The following MINDY1 variants were observed in gnomAD, a reference collection of about 807,000 sequenced individuals.
MINDY1 encodes MINDY lysine 48 deubiquitinase 1.
MINDY1 carries 50 observed loss-of-function variants against 53.6 expected under a neutral mutation model. The observed-to-expected ratio is 0.93, with a 90% CI of 0.74 to 1.18. MINDY1 has a LOEUF of 1.18. Among genes scored for constraint, MINDY1 ranks in the 50% most tolerant of loss-of-function variants. The pLI is 0.00. For missense variants in MINDY1, 484 were observed against 578.6 expected (o/e 0.84, Z 1.68); for synonymous variants, 231 against 234.7 (o/e 0.98, Z 0.14).
chr1:151,005,911 A>G (rs1389252634), intron 1 of MINDY1, among the ~76,000 whole-genome samples: 1 of 152,212 alleles, frequency 6.6e-6, no homozygotes, highest in African/African-American at 2.4e-5. Context: ...TAGAGAGCCG[A>G]AAGTTGGAAG....
Position 151,002,029 on chromosome 1 carries a change from T to C in MINDY1, c.453+136A>G. ...TGTTTTTAGGAACATCTTATCTCAT[T>C]TGCTCAAGCTGGAGAAATAGGGAGA... On this transcript the variant is annotated intron_variant, in intron 2 of 9. Transcript: ENST00000683666. The surrounding 1 kb of genome is among the most constrained non-coding windows in gnomAD (Gnocchi z 4.1). The C allele has an allele frequency of 1.0e-6, 1 of 961,758 alleles. No homozygotes were observed. The allele number at this position is 961,758 out of a possible 1,614,324, so 59.6% of individuals were successfully genotyped here.
At chr1:151,001,011 G>A (rs587665661) in intron 4 of MINDY1, among the ~76,000 whole-genome samples, 29 of 151,980 alleles carry the variant, frequency 1.9e-4, no homozygotes, top group East Asian at 5.8e-4. Context: ...GGCTGGCCTC[G>A]AACTCCTGGC....
At chr1:151,000,749 G>A (rs895604006) in intron 4 of MINDY1, 134 bp from the exon 5 acceptor site, 3 of 933,602 alleles carry the variant, frequency 3.2e-6, no homozygotes, top group Non-Finnish European at 4.8e-6. Flanking sequence ...TTTCTCCCTT[G>A]CCTCAACCCT....
At chr1:151,001,477 G>A (rs150125634) in intron 3 of MINDY1, among the ~76,000 whole-genome samples, 163 bp from the exon 4 acceptor site, 1 of 152,214 alleles carries the variant, frequency 6.6e-6, no homozygotes, top group African/African-American at 2.4e-5. Flanking sequence ...GGAGGCGACA[G>A]CCTCATAAAG....
Position 151,006,846 on chromosome 1 carries a change from G to C in MINDY1, c.-624C>G. On this transcript the variant is annotated 5_prime_UTR_variant, in exon 1 of 10. Transcript: ENST00000683666. ...CGAGAAACAGGAGAGAAAAACAACAGACCCTTTCTCTTCCCTCTGCCTGCC... is the reference window on the plus strand; with the variant it reads ...CGAGAAACAGGAGAGAAAAACAACACACCCTTTCTCTTCCCTCTGCCTGCC... 1 of 985,482 alleles carries C rather than the reference G, an allele frequency of 1.0e-6. No individual in the cohort carries two copies. The highest frequency in any genetic ancestry group is 1.2e-6 in the Non-Finnish European group (1 of 829,978). 61.0% of individuals were successfully genotyped at this position (985,482 alleles called of 1,614,324 possible).
chr1:151,000,718 A>T, intron 4 of MINDY1, 103 bp from the exon 5 acceptor site: 6 of 1,277,920 alleles, frequency 4.7e-6, no homozygotes, highest in East Asian at 4.9e-5. Flanking sequence ...TTCTTCCCTG[A>T]TTCTCTTACA....
chr1:151,001,841 A>AC (rs1672620774), intron 2 of MINDY1, 59 bp from the exon 3 acceptor site: 1 of 1,546,490 alleles, frequency 6.5e-7, no homozygotes, highest in Admixed American at 2.4e-5. Context: ...TGAAGGAAGA[A>AC]CCCATGGAAA....
rs587686923 is a variant in MINDY1 at position 150,998,531 on chromosome 1, T to C, written c.982-258A>G. Among the ~76,000 whole-genome samples, 3 of 129,950 alleles carry C rather than the reference T, an allele frequency of 2.3e-5. No homozygotes were observed. The East Asian group carries it at 5.8e-4, about 25-fold the overall frequency. 85.3% of individuals were successfully genotyped at this position (129,950 alleles called of 152,430 possible). ...CACCATGCCTGGCTAATGTTTGGTA[T>C]TTTTTTAGTAGAGACGGGGTTTCAC... is the stretch of plus-strand genomic sequence containing the variant. On this transcript the variant is annotated intron_variant, in intron 7 of 9. Transcript: ENST00000683666.
At chr1:151,008,172 T>C, upstream of MINDY1, 2 of 934,966 alleles carry the variant, frequency 2.1e-6, no homozygotes, top group Non-Finnish European at 2.6e-6. Context: ...GTGTGATATA[T>C]GTAAAGATGT....
chr1:151,008,162 G>A (rs1673431868), upstream of MINDY1: 13 of 844,192 alleles, frequency 1.5e-5, no homozygotes, highest in South Asian at 4.2e-5. Flanking sequence ...CAGATGCTCG[G>A]TGTGATATAT....
chr1:150,998,549 G>C (rs911636822), intron 7 of MINDY1, among the ~76,000 whole-genome samples: 7 of 152,152 alleles, frequency 4.6e-5, no homozygotes, highest in Non-Finnish European at 7.4e-5. Flanking sequence ...GTAGAGACGG[G>C]GTTTCACCGT....
In MINDY1 at chr1:150,999,784, A is replaced by T; in HGVS notation, c.838+78T>A. On this transcript the variant is annotated intron_variant, in intron 6 of 9. Coordinates refer to ENST00000683666, the MANE Select transcript of MINDY1 (RefSeq NM_001376665.1). The surrounding 1 kb of genome is among the most constrained non-coding windows in gnomAD (Gnocchi z 4.4). ...TATATCTAGTGGGATGTGGTAGGAG[A>T]TGACACCCAATAAAAAATAAGCCTA... 2 of 1,292,656 alleles carry T rather than the reference A, an allele frequency of 1.5e-6. No individual in the cohort carries two copies. Among genetic ancestry groups the T allele is most frequent in the Non-Finnish European group, 2.2e-6 (2 of 903,580 alleles). The allele number at this position is 1,292,656 out of a possible 1,614,324, so 80.1% of individuals were successfully genotyped here.
chr1:151,001,790 C>T lies in MINDY1; in HGVS notation c.454-8G>A. 3.1e-6 allele frequency: 5 copies of T among 1,591,004 alleles called. No individual in the cohort carries two copies. The highest frequency in any genetic ancestry group is 4.3e-6 in the Non-Finnish European group (5 of 1,173,342). Reference sequence around the variant, plus strand: ...CTGCGGGGGGAGCTTCACCTGGAGGCAGAAGGGGTGATCACGTGTGTGCTT... The same window carrying T: ...CTGCGGGGGGAGCTTCACCTGGAGGTAGAAGGGGTGATCACGTGTGTGCTT... On this transcript the variant is annotated splice_region_variant and splice_polypyrimidine_tract_variant and intron_variant, in intron 2 of 9. Coordinates refer to ENST00000683666, the MANE Select transcript of MINDY1 (RefSeq NM_001376665.1).
In MINDY1 at chr1:151,001,729, A is replaced by G; in HGVS notation, c.507T>C (p.His169=). The change falls in exon 3 of 10, where the codon CAT becomes CAC. Residue 169 remains histidine, a synonymous_variant. Transcript: ENST00000683666. ...EVITSDELMA[H]LGNCLLSIKP... is the part of the protein sequence containing the mutation. ...CTTCAACGCCCAGTCACTCACCAAGATGGGCCATGAGCTCATCCGATGTGA... is the reference window on the plus strand; with the variant it reads ...CTTCAACGCCCAGTCACTCACCAAGGTGGGCCATGAGCTCATCCGATGTGA... The G allele has an allele frequency of 1.9e-6, 3 of 1,610,588 alleles. No individual in the cohort carries two copies. Among genetic ancestry groups the G allele is most frequent in the Non-Finnish European group, 2.5e-6 (3 of 1,179,000 alleles).
At chr1:151,005,474 G>T (rs372232167) in intron 1 of MINDY1, among the ~76,000 whole-genome samples, 1 of 135,336 alleles carries the variant, frequency 7.4e-6, no homozygotes, top group Admixed American at 7.4e-5. Context: ...AAGAAAAAAA[G>T]AAAAAAAAAA....
At chr1:151,000,641 A>T in intron 4 of MINDY1, 26 bp from the exon 5 acceptor site, 1 of 1,596,216 alleles carries the variant, frequency 6.3e-7, no homozygotes, top group Non-Finnish European at 8.5e-7. Flanking sequence ...AAAATGATGG[A>T]GATTCTAGCC....
chr1:150,998,264 A>G lies in MINDY1; in HGVS notation c.991T>C (p.Tyr331His). ...STMTKHKSHLYLLVTDQGFLQ... is the reference protein window; with the variant it reads ...STMTKHKSHLHLLVTDQGFLQ... ...AAGCCCTGGTCAGTGACCAGTAGGT[A>G]TAAGTGACTCTACAAAGAAAAGAAC... Residue 331 changes from tyrosine (Y) to histidine (H), a missense_variant, in exon 8 of 10, where the codon TAC becomes CAC. Transcript: ENST00000683666. The G allele has an allele frequency of 1.2e-6, 2 of 1,612,152 alleles. No homozygotes were observed. The highest frequency in any genetic ancestry group is 1.7e-6 in the Non-Finnish European group (2 of 1,179,320).
chr1:151,003,459 G>A (rs1672796193), intron 1 of MINDY1, among the ~76,000 whole-genome samples: 1 of 152,066 alleles, frequency 6.6e-6, no homozygotes. Context: ...TGTAGGTGGT[G>A]GGGGCTGGAA....
chr1:151,001,828 C>G, intron 2 of MINDY1, 46 bp from the exon 3 acceptor site: 1 of 1,560,538 alleles, frequency 6.4e-7, no homozygotes, highest in East Asian at 2.3e-5. Context: ...CTCCAAAGAG[C>G]ACTGAAGGAA....
Sources: allele counts gnomAD v4.1 joint callset (sites outside exome capture counted in the v4.1 genomes callset), GRCh38; gene constraint gnomAD v4.1.1; non-coding constraint Gnocchi (gnomAD v3.1); transcripts MANE v1.5; gene names NCBI Gene and HGNC (gene_info 2026-07-23, HGNC 2026-07-21).